The following RBM26 variants were observed in gnomAD, a reference collection of about 807,000 sequenced individuals.
RBM26 encodes the protein RNA-binding protein 26.
RBM26 carries 30 observed loss-of-function variants against 123.6 expected under a neutral mutation model. That is an observed-to-expected ratio of 0.24 (90% CI 0.18 to 0.33). RBM26 has a LOEUF of 0.33. Among genes scored for constraint, RBM26 ranks in the 10% least tolerant of loss-of-function variants. The pLI is 1.00. For synonymous variants in RBM26, 400 were observed against 404.4 expected, an observed-to-expected ratio of 0.99 and a Z score of 0.13; for missense variants, 947 against 1,203.6, an observed-to-expected ratio of 0.79 and a Z score of 3.15.
intron 17 of RBM26, 43 bp from the exon 18 acceptor site, chr13:79,341,270 T>A (rs747076797): frequency 1.6e-6 from 2 of 1,256,262 alleles, no homozygotes; most frequent in South Asian, 2.5e-5. Context: ...GTAATTACTA[T>A]CCTGTATTGA....
At chr13:79,388,375 C>T (rs1462640607) in intron 1 of RBM26, among the ~76,000 whole-genome samples, 1 of 152,222 alleles carries the variant, frequency 6.6e-6, no homozygotes, top group Non-Finnish European at 1.5e-5. Context: ...GGACTATAGG[C>T]GTGAGCCACC....
At chr13:79,334,129 T>C (rs2069903053) in intron 20 of RBM26, among the ~76,000 whole-genome samples, 2 of 152,312 alleles carry the variant, frequency 1.3e-5, no homozygotes, top group South Asian at 4.1e-4. Flanking sequence ...TTCCACTTGG[T>C]GACTAAATAT....
chr13:79,367,489 G>GT lies in RBM26; in HGVS notation c.896-618dup, dbSNP rs1358977208. On this transcript the variant is annotated intron_variant, in intron 6 of 21. Coordinates refer to ENST00000438737, the MANE Select transcript of RBM26 (RefSeq NM_001366735.2). ...CAAACGATGTTGGAGGTGGGGCCTG[G>GT]TAGGAGGTGTTAGGGTCATGGGGGT... Among the ~76,000 whole-genome samples, 8 of 151,170 alleles carry GT rather than the reference G, an allele frequency of 5.3e-5. No individual in the cohort carries two copies. In the South Asian group the frequency reaches 1.0e-3, roughly 20 times the overall value.
At position 79,340,612 on chromosome 13, in the gene RBM26, T is replaced by A. The variant is rs191272021; in HGVS notation, c.2532+511A>T. On this transcript the variant is annotated intron_variant, in intron 18 of 21. Coordinates refer to ENST00000438737, the MANE Select transcript of RBM26 (RefSeq NM_001366735.2). Reference sequence around the variant, plus strand: ...CAGGAATCAATTTCACTAGGAGTTGTTTCTTATATAAATAACCATCTAATT... The same window carrying A: ...CAGGAATCAATTTCACTAGGAGTTGATTCTTATATAAATAACCATCTAATT... 9.9e-5 allele frequency among the ~76,000 whole-genome samples: 15 copies of A among 152,036 alleles called. No homozygotes were observed. In the East Asian group the frequency reaches 1.9e-3, roughly 20 times the overall value.
intron 19 of RBM26, among the ~76,000 whole-genome samples, chr13:79,336,113 A>C (rs2070340044): frequency 6.6e-6 from 1 of 152,196 alleles, no homozygotes; most frequent in Non-Finnish European, 1.5e-5. Flanking sequence ...TATGATTTTT[A>C]AACACCTAAG....
intron 1 of RBM26, among the ~76,000 whole-genome samples, chr13:79,379,965 T>C (rs2076953370): frequency 6.6e-6 from 1 of 152,120 alleles, no homozygotes; most frequent in African/African-American, 2.4e-5. Flanking sequence ...GTTGGCAAAA[T>C]CCAATAAATA....
intron 3 of RBM26, chr13:79,377,041 G>T: frequency 5.2e-6 from 1 of 192,942 alleles, no homozygotes; most frequent in African/African-American, 2.3e-5. Flanking sequence ...TTTCTAAGGA[G>T]CTTGCCTAAT....
Position 79,368,821 on chromosome 13 carries a change from G to T in RBM26, c.804C>A (p.Thr268=). Residue 268 remains threonine (T), a synonymous_variant, in exon 6 of 22, where the codon ACC becomes ACA. Coordinates refer to ENST00000438737, the MANE Select transcript of RBM26 (RefSeq NM_001366735.2). ...CTTCATGAAATTCAGACCAACTTTC[G>T]GTAGTGTTGTTTCCATGATGAGTAG... The part of the protein sequence containing the change: ...IAPTHHGNNT[T]ESWSEFHEDQ... 2 of 1,613,736 alleles carry T rather than the reference G, an allele frequency of 1.2e-6. No individual in the cohort carries two copies. Among genetic ancestry groups the T allele is most frequent in the Non-Finnish European group, 1.7e-6 (2 of 1,179,742 alleles).
Position 79,341,093 on chromosome 13 carries a change from A to G in RBM26, c.2532+30T>C, listed in dbSNP as rs780306226. 5 of 1,317,500 alleles carry G rather than the reference A, an allele frequency of 3.8e-6. No individual in the cohort carries two copies. The Admixed American group carries it at 9.5e-5, about 25-fold the overall frequency. 81.6% of individuals were successfully genotyped at this position (1,317,500 alleles called of 1,614,324 possible). A position where few individuals can be genotyped will look rare whatever the true frequency, so the allele number is the denominator to read the frequency against. On this transcript the variant is annotated intron_variant, in intron 18 of 21. Coordinates refer to ENST00000438737, the MANE Select transcript of RBM26 (RefSeq NM_001366735.2). Reference sequence around the variant, plus strand: ...ACTACAACTACATTTGCTTCTTTTAAGCCTACTGTGTAGTTGTGATTAAAC... The same window carrying G: ...ACTACAACTACATTTGCTTCTTTTAGGCCTACTGTGTAGTTGTGATTAAAC...
At chr13:79,316,230 T>TGTGTGTGTGC (rs1491166145), downstream of RBM26, among the ~76,000 whole-genome samples, 4 of 147,064 alleles carry the variant, frequency 2.7e-5, no homozygotes, top group East Asian at 7.8e-4. Context: ...TGTGTGTGTG[T>TGTGTGTGTGC]GTTGGGTGGA....
chr13:79,347,944 AAC>A lies in RBM26; in HGVS notation c.2059-3152_2059-3151del, dbSNP rs770460009. Reference sequence around the variant, plus strand: ...TTGCAGATTTCCTTCATCAAATTAAAACAGTTTTTCTCTATTCCTCCTTTGCA... The same window carrying A: ...TTGCAGATTTCCTTCATCAAATTAAAAGTTTTTCTCTATTCCTCCTTTGCA... On this transcript the variant is annotated intron_variant, in intron 14 of 21. Transcript: ENST00000438737. Among the ~76,000 whole-genome samples the A allele has an allele frequency of 5.9e-5, 9 of 152,124 alleles. No individual in the cohort carries two copies. In the South Asian group the frequency reaches 6.2e-4, roughly 10 times the overall value.
chr13:79,393,997 C>T (rs2078331293), intron 1 of RBM26, among the ~76,000 whole-genome samples: 1 of 152,204 alleles, frequency 6.6e-6, no homozygotes. Context: ...CTACATGCCA[C>T]GTGACTTCTT....
intron 1 of RBM26, among the ~76,000 whole-genome samples, chr13:79,385,049 T>G (rs1281976062): frequency 6.6e-6 from 1 of 152,194 alleles, no homozygotes; most frequent in African/African-American, 2.4e-5. Flanking sequence ...TTTAAATATG[T>G]TAACTGAGTA....
chr13:79,382,291 T>C (rs1046948025), intron 1 of RBM26, among the ~76,000 whole-genome samples: 1 of 152,078 alleles, frequency 6.6e-6, no homozygotes, highest in Non-Finnish European at 1.5e-5. Context: ...ACTTTACCAG[T>C]TGCCACTGCT....
intron 20 of RBM26, among the ~76,000 whole-genome samples, chr13:79,332,077 T>C (rs1749983): frequency 0.5 from 76,735 of 151,998 alleles, 19,774 homozygotes; most frequent in Middle Eastern, 0.6. Flanking sequence ...TGTACTTTCA[T>C]CTTGAAATAC....
rs769032645 is a variant in RBM26 at position 79,371,902 on chromosome 13, T to A, written c.356A>T (p.Lys119Met). Residue 119 changes from lysine to methionine, a missense_variant, in exon 4 of 22, where the codon AAG (lysine) becomes ATG (methionine). By Grantham distance (95) the Lys-to-Met change is moderately conservative. Transcript: ENST00000438737. ...ACTGTGATTTAGCCTTCTAGAAAAC[T>A]TCTTCTCTCGCTCTTCCTCCTTAGT... ...EITKEEEREKKFSRRLNHSPP... is the reference protein window; with the variant it reads ...EITKEEEREKMFSRRLNHSPP... 34 of 1,611,476 alleles carry A rather than the reference T, an allele frequency of 2.1e-5. 1 individual carries two copies. The highest frequency in any genetic ancestry group is 3.3e-5 in the South Asian group (3 of 91,002).
Position 79,354,538 on chromosome 13 carries a change from C to T in RBM26, c.1887G>A (p.Leu629=). 4 of 1,605,358 alleles carry T rather than the reference C, an allele frequency of 2.5e-6. No individual in the cohort carries two copies. Among genetic ancestry groups the T allele is most frequent in the Non-Finnish European group, 3.4e-6 (4 of 1,174,204 alleles). ...CTTTGACTGACTGCTTCACAACAGG[C>T]AAAATGGGCTGCTGGACTAAAGGCT... ...VMQPLVQQPI[L]PVVKQSVKER... Residue 629 remains leucine, a synonymous_variant, in exon 13 of 22, where the codon TTG becomes TTA. Coordinates refer to ENST00000438737, the MANE Select transcript of RBM26 (RefSeq NM_001366735.2).
At position 79,367,302 on chromosome 13, in the gene RBM26, G is replaced by A. The variant is rs1457872514; in HGVS notation, c.896-430C>T. On this transcript the variant is annotated intron_variant, in intron 6 of 21. Transcript: ENST00000438737. Reference sequence around the variant, plus strand: ...GGCGCCCATAAGCCCAGCTATTAGGGAGGCTGAGGCAGGAGAATCGCTAGA... The same window carrying A: ...GGCGCCCATAAGCCCAGCTATTAGGAAGGCTGAGGCAGGAGAATCGCTAGA... 2.0e-5 allele frequency among the ~76,000 whole-genome samples: 3 copies of A among 150,904 alleles called. No individual in the cohort carries two copies. The Admixed American group carries it at 2.0e-4, about 10-fold the overall frequency.
intron 20 of RBM26, 143 bp downstream of exon 20, chr13:79,334,201 A>G (rs2069919107): frequency 1.9e-6 from 1 of 519,798 alleles, no homozygotes; most frequent in East Asian, 3.6e-5. Context: ...ACATTCTTTG[A>G]GGGCATGAAT....
Sources: allele counts gnomAD v4.1 joint callset (sites outside exome capture counted in the v4.1 genomes callset), GRCh38; gene constraint gnomAD v4.1.1; transcripts MANE v1.5; gene names NCBI Gene and HGNC (gene_info 2026-07-23, HGNC 2026-07-21).